Variants in UNC79 observed in about 807,000 individuals in gnomAD.
The protein encoded by UNC79 is unc-79 subunit of NALCN channel complex, also known as protein unc-79 homolog.
A neutral mutation model predicts 283.1 loss-of-function variants in UNC79; 37 were observed. The observed-to-expected ratio is 0.13, with a 90% CI of 0.10 to 0.17. The LOEUF is 0.17. UNC79 is among the 10% of genes least tolerant of loss of function. The pLI, the probability that UNC79 is intolerant of heterozygous loss-of-function variation, is 1.00. For missense variants in UNC79, 2,272 were observed against 3,211.1 expected, an observed-to-expected ratio of 0.71 and a Z score of 7.07; for synonymous variants, 1,107 against 1,200.2, an observed-to-expected ratio of 0.92 and a Z score of 1.61.
intron 4 of UNC79, among the ~76,000 whole-genome samples, chr14:93,479,721 A>C (rs1216745200): frequency 6.6e-6 from 1 of 152,030 alleles, no homozygotes; most frequent in African/African-American, 2.4e-5. Context: ...TGCAGCCTCA[A>C]ACTCCTCGGC....
intron 23 of UNC79, among the ~76,000 whole-genome samples, chr14:93,594,445 T>C (rs916790314): frequency 6.6e-6 from 1 of 152,132 alleles, no homozygotes; most frequent in Non-Finnish European, 1.5e-5. Flanking sequence ...AATTTTTGTA[T>C]TTTTAGTAGA....
chr14:93,407,865 T>C (rs2055258443), intron 1 of UNC79, among the ~76,000 whole-genome samples: 1 of 152,132 alleles, frequency 6.6e-6, no homozygotes, highest in African/African-American at 2.4e-5. Flanking sequence ...TAAGAAGGCA[T>C]TTTTAGGGAA....
chr14:93,370,898 A>G (rs911822739), intron 1 of UNC79, among the ~76,000 whole-genome samples: 1 of 152,246 alleles, frequency 6.6e-6, no homozygotes, highest in Non-Finnish European at 1.5e-5. Flanking sequence ...ACAGAAATGT[A>G]ACATACAAGT....
intron 4 of UNC79, among the ~76,000 whole-genome samples, chr14:93,487,361 C>G (rs1305444238): frequency 6.6e-6 from 1 of 152,124 alleles, no homozygotes; most frequent in African/African-American, 2.4e-5. Context: ...TCTTTTCCAT[C>G]TAAATACAAA....
rs1045660313 is a variant in UNC79, at chr14:93,401,845, C to G, written c.-350-65826C>G. Among the ~76,000 whole-genome samples the G allele has an allele frequency of 4.6e-5, 7 of 151,948 alleles. No individual in the cohort carries two copies. In the South Asian group the frequency reaches 6.2e-4, roughly 13 times the overall value. On this transcript the variant is annotated intron_variant, in intron 1 of 49. Transcript: ENST00000256339. The stretch of plus-strand genomic sequence containing the variant: ...GGTTGTCCAGAGAGTTAGGTAGAAA[C>G]AAACAGACAAACCACAAACTGTTAG...
At chr14:93,481,101 C>T (rs2058115414) in intron 4 of UNC79, among the ~76,000 whole-genome samples, 4 of 152,138 alleles carry the variant, frequency 2.6e-5, no homozygotes, top group Admixed American at 2.6e-4. Flanking sequence ...TGTCAATAAA[C>T]CAAGTGCTGG....
At chr14:93,428,830 T>C (rs1031121860), upstream of UNC79, among the ~76,000 whole-genome samples, 1 of 152,114 alleles carries the variant, frequency 6.6e-6, no homozygotes, top group Non-Finnish European at 1.5e-5. Flanking sequence ...CATGGAGAAG[T>C]TAAGTAACTT....
At chr14:93,366,389 G>T (rs1006799950) in intron 1 of UNC79, among the ~76,000 whole-genome samples, 8 of 152,142 alleles carry the variant, frequency 5.3e-5, no homozygotes, top group Admixed American at 1.3e-4. Flanking sequence ...TTAATGGGAT[G>T]TATCATTGCT....
intron 1 of UNC79, among the ~76,000 whole-genome samples, chr14:93,352,858 C>T (rs952229887): frequency 3.9e-5 from 6 of 152,208 alleles, no homozygotes; most frequent in African/African-American, 1.4e-4. Flanking sequence ...GTTGAAAATG[C>T]ATTTAATCCA....
rs1490294493 is a variant in UNC79, at chr14:93,517,767, A to G, written c.899-6211A>G. On this transcript the variant is annotated intron_variant, in intron 7 of 48. Transcript: ENST00000555664. ...TCTCAAATTCTTTAGCCTCCTAATT[A>G]TGTTTTTAATTTTGGTTATTATATA... Among the ~76,000 whole-genome samples, 3 of 152,052 alleles carry G rather than the reference A, an allele frequency of 2.0e-5. No homozygotes were observed. The East Asian group carries it at 5.8e-4, about 29-fold the overall frequency.
intron 1 of UNC79, among the ~76,000 whole-genome samples, chr14:93,333,854 C>T (rs930380705): frequency 6.6e-6 from 1 of 152,208 alleles, no homozygotes; most frequent in African/African-American, 2.4e-5. Context: ...GTTTTTATTG[C>T]TGTTTTACAA....
In UNC79 at chr14:93,482,800, T is replaced by C. The variant is rs1464426818; in HGVS notation, c.620-4863T>C. Among the ~76,000 whole-genome samples, 12 of 152,178 alleles carry C rather than the reference T, an allele frequency of 7.9e-5. No homozygotes were observed. The South Asian group carries it at 1.2e-3, about 16-fold the overall frequency. On this transcript the variant is annotated intron_variant, in intron 4 of 48. Coordinates refer to ENST00000555664, the Ensembl canonical transcript of UNC79. ...TTCCCTTTTTAGCCCTCCTACCTTCTGCTCTCCATCAAAAAGCCAGAGCTA... is the reference window on the plus strand; with the variant it reads ...TTCCCTTTTTAGCCCTCCTACCTTCCGCTCTCCATCAAAAAGCCAGAGCTA...
intron 26 of UNC79, among the ~76,000 whole-genome samples, chr14:93,610,587 A>C (rs748235466): frequency 6.6e-6 from 1 of 152,098 alleles, no homozygotes; most frequent in Admixed American, 6.6e-5. Context: ...AATCTAGAGT[A>C]AATATTTTTC....
chr14:93,605,170 C>A (rs961867124), intron 26 of UNC79, among the ~76,000 whole-genome samples: 3 of 152,100 alleles, frequency 2.0e-5, no homozygotes, highest in East Asian at 3.9e-4. Flanking sequence ...ATTCTATTAA[C>A]TTTTGGTCCA....
At chr14:93,370,839 T>C (rs1333933509) in intron 1 of UNC79, among the ~76,000 whole-genome samples, 1 of 150,688 alleles carries the variant, frequency 6.6e-6, no homozygotes, top group African/African-American at 2.4e-5. Context: ...AAGACAAAGA[T>C]TGAAAACAAC....
chr14:93,572,618 A>G (rs1432886411), intron 15 of UNC79, 75 bp from the exon 16 acceptor site: 1 of 1,580,684 alleles, frequency 6.3e-7, no homozygotes, highest in Non-Finnish European at 8.6e-7. Flanking sequence ...GGGAATAGTT[A>G]GAAAGACGGT....
At chr14:93,691,226 AGCCTCTGGCG>A in intron 45 of UNC79, 1 of 164,368 alleles carries the variant, frequency 6.1e-6, no homozygotes, top group Admixed American at 5.6e-5. Context: ...ATATAGGAAA[AGCCTCTGGCG>A]CCATCTCTGG....
At chr14:93,612,364 C>T (rs1453410945) in intron 26 of UNC79, among the ~76,000 whole-genome samples, 1 of 152,162 alleles carries the variant, frequency 6.6e-6, no homozygotes, top group Non-Finnish European at 1.5e-5. Flanking sequence ...AGTGGTTTTG[C>T]CCTCAGTGGA....
chr14:93,440,101 G>A (rs1025196049), intron 1 of UNC79, among the ~76,000 whole-genome samples: 19 of 152,082 alleles, frequency 1.2e-4, no homozygotes, highest in Admixed American at 1.1e-3. Context: ...TATTCCTATA[G>A]GATGATATTT....
Sources: allele counts gnomAD v4.1 joint callset (sites outside exome capture counted in the v4.1 genomes callset), GRCh38; gene constraint gnomAD v4.1.1; transcripts MANE v1.5; gene names NCBI Gene and HGNC (gene_info 2026-07-23, HGNC 2026-07-21).